Variants in EDARADD observed in about 807,000 individuals in gnomAD.
EDARADD encodes ectodysplasin-A receptor-associated adapter protein.
Under a neutral mutation model 25.6 loss-of-function variants are expected in EDARADD, and 20 were observed. The ratio of observed to expected loss-of-function variants is 0.78; its 90% CI spans 0.55 to 1.14. The LOEUF (loss-of-function observed/expected upper bound fraction) is 1.14. Ranked by LOEUF, EDARADD falls within the 50% of genes most tolerant of loss-of-function variation. The probability of loss-of-function intolerance (pLI) is 0.00; values close to 1 mark genes in which losing one functional copy is unlikely to be tolerated. For synonymous variants in EDARADD, 86 were observed against 94.4 expected (o/e 0.91, Z 0.52); for missense variants, 225 against 270.1 (o/e 0.83, Z 1.17).
intron 4 of EDARADD, among the ~76,000 whole-genome samples, chr1:236,447,238 C>A (rs1260686925): frequency 1.8e-5 from 2 of 112,612 alleles, no homozygotes; most frequent in Non-Finnish European, 3.4e-5. Flanking sequence ...TCTTTCCTTT[C>A]TTTCCTTTCT....
chr1:236,359,824 T>C (rs1443250523), intron 3 of EDARADD, among the ~76,000 whole-genome samples: 1 of 152,134 alleles, frequency 6.6e-6, no homozygotes, highest in Non-Finnish European at 1.5e-5. Flanking sequence ...CCACAACACA[T>C]GGGAATTCAA....
intron 4 of EDARADD, among the ~76,000 whole-genome samples, chr1:236,447,219 TCTTTCCTTTCTTTC>T (rs1298033301): frequency 9.8e-4 from 42 of 42,892 alleles, no homozygotes; most frequent in Non-Finnish European, 1.9e-3. Context: ...TTTCTTTCTT[TCTTTCCTTTCTTTC>T]CTTTCTTTCC....
At chr1:236,452,505 T>TC (rs1658742085) in intron 4 of EDARADD, among the ~76,000 whole-genome samples, 2 of 144,848 alleles carry the variant, frequency 1.4e-5, no homozygotes, top group South Asian at 4.3e-4. Flanking sequence ...ATCCCCCCTC[T>TC]CTCTCTCTCT....
Position 236,484,137 on chromosome 1 carries a change from C to A in EDARADD, c.*1488C>A. 1 of 1,429,592 alleles carries A rather than the reference C, an allele frequency of 7.0e-7. No homozygotes were observed. Among genetic ancestry groups the A allele is most frequent in the Non-Finnish European group, 9.9e-7 (1 of 1,012,946 alleles). The allele number at this position is 1,429,592 out of a possible 1,614,324, so 88.6% of individuals were successfully genotyped here. ...GGAGGATGATCTCAGAGTGACCAAC[C>A]CAAAGAGGACAGCCTCGGCCGTGAA... On this transcript the variant is annotated 3_prime_UTR_variant, in exon 6 of 6. Coordinates refer to ENST00000334232, the MANE Select transcript of EDARADD (RefSeq NM_145861.4). The surrounding 1 kb of genome is among the most constrained non-coding windows in gnomAD (Gnocchi z 4.1).
rs1667301348 is a variant in EDARADD at position 236,381,755 on chromosome 1, T to C, written c.-5-27461T>C. On this transcript the variant is annotated intron_variant, in intron 3 of 7. Coordinates refer to the EDARADD transcript ENST00000439430. Reference sequence around the variant, plus strand: ...ATGAAAAATCTGCTGTCATCCTTGTTTTTATGCCTCTGTAATATGTCTTTT... The same window carrying C: ...ATGAAAAATCTGCTGTCATCCTTGTCTTTATGCCTCTGTAATATGTCTTTT... Among the ~76,000 whole-genome samples, 7 of 150,786 alleles carry C rather than the reference T, an allele frequency of 4.6e-5. No homozygotes were observed. In the South Asian group the frequency reaches 1.5e-3, roughly 31 times the overall value.
At chr1:236,371,032 G>A (rs1667166994) in intron 3 of EDARADD, among the ~76,000 whole-genome samples, 1 of 152,178 alleles carries the variant, frequency 6.6e-6, no homozygotes, top group Non-Finnish European at 1.5e-5. Context: ...ATTTTGCAAA[G>A]GCAGTTTCAA....
At chr1:236,472,055 C>G (rs575821877) in intron 5 of EDARADD, among the ~76,000 whole-genome samples, 1 of 152,182 alleles carries the variant, frequency 6.6e-6, no homozygotes, top group South Asian at 2.1e-4. Context: ...CATTAATGAG[C>G]ATGCTTGATT....
chr1:236,450,217 C>T (rs1471874366), intron 4 of EDARADD, among the ~76,000 whole-genome samples: 2 of 151,982 alleles, frequency 1.3e-5, no homozygotes, highest in Admixed American at 6.6e-5. Flanking sequence ...GACGAAGGAT[C>T]GCTTAAGCCT....
rs1335527074 is a variant in EDARADD, at chr1:236,395,259, A to T, written c.61+754A>T. On this transcript the variant is annotated intron_variant, in intron 1 of 5. Coordinates refer to ENST00000334232, the MANE Select transcript of EDARADD (RefSeq NM_145861.4). This position sits in a 1 kb window ranked among gnomAD's most constrained non-coding sequence, Gnocchi z 6.9. ...CCCCCGCTAGGACCCGCCCAGGGGGACGTGGGTACCGGGCAGGACGCGCGC... is the reference window on the plus strand; with the variant it reads ...CCCCCGCTAGGACCCGCCCAGGGGGTCGTGGGTACCGGGCAGGACGCGCGC... Among the ~76,000 whole-genome samples, 1 of 152,040 alleles carries T rather than the reference A, an allele frequency of 6.6e-6. No individual in the cohort carries two copies. The highest frequency in any genetic ancestry group is 6.6e-5 in the Admixed American group (1 of 15,254).
At chr1:236,481,972 G>A (rs1403185124) in intron 5 of EDARADD, among the ~76,000 whole-genome samples, 1 of 151,308 alleles carries the variant, frequency 6.6e-6, no homozygotes, top group Non-Finnish European at 1.5e-5. Flanking sequence ...AATTAGCCGG[G>A]TGCAGTGGCG....
At chr1:236,403,368 A>T (rs1571913255) in intron 1 of EDARADD, among the ~76,000 whole-genome samples, 1 of 151,604 alleles carries the variant, frequency 6.6e-6, no homozygotes, top group South Asian at 2.1e-4. Context: ...ACTCACTGCA[A>T]CCTCCGCCTT....
At chr1:236,455,394 G>A (rs1450868145) in intron 4 of EDARADD, among the ~76,000 whole-genome samples, 1 of 152,204 alleles carries the variant, frequency 6.6e-6, no homozygotes, top group Non-Finnish European at 1.5e-5. Context: ...CAGCCCGACA[G>A]GCCCCTACCT....
At chr1:236,431,598 A>G (rs796989498) in intron 4 of EDARADD, among the ~76,000 whole-genome samples, 9 of 152,308 alleles carry the variant, frequency 5.9e-5, no homozygotes, top group African/African-American at 2.2e-4. Context: ...CTTGGACATA[A>G]AAAATACAGG....
At chr1:236,446,282 A>G (rs1424148456) in intron 4 of EDARADD, among the ~76,000 whole-genome samples, 3 of 152,104 alleles carry the variant, frequency 2.0e-5, no homozygotes, top group Non-Finnish European at 4.4e-5. Flanking sequence ...TTCAAACTTT[A>G]GACGATAACA....
chr1:236,400,030 CAT>C (rs1361745047), intron 1 of EDARADD, among the ~76,000 whole-genome samples: 2 of 152,210 alleles, frequency 1.3e-5, no homozygotes, highest in Non-Finnish European at 2.9e-5. Context: ...CTGGAGCACT[CAT>C]ATGTGCAAAG....
chr1:236,380,030 A>G (rs1004005096), intron 3 of EDARADD, among the ~76,000 whole-genome samples: 28 of 152,282 alleles, frequency 1.8e-4, no homozygotes, highest in African/African-American at 6.5e-4. Context: ...GCTGATGTGC[A>G]GGTCCTCTGA....
rs749128914 is a variant in EDARADD, at chr1:236,482,228, C to T, written c.266-39C>T. 6 of 1,613,634 alleles carry T rather than the reference C, an allele frequency of 3.7e-6. No individual in the cohort carries two copies. The East Asian group carries it at 8.9e-5, about 24-fold the overall frequency. On this transcript the variant is annotated intron_variant, in intron 5 of 5. Transcript: ENST00000334232. ...TAAGAAATGAATGCATATGTTAGGC[C>T]TCTTGTTGACCTGTGGACTAAATTG...
Position 236,484,356 on chromosome 1 carries a change from C to T in EDARADD, c.*1707C>T, listed in dbSNP as rs1659770529. The T allele has an allele frequency of 6.6e-7, 1 of 1,513,558 alleles. No individual in the cohort carries two copies. The highest frequency in any genetic ancestry group is 1.1e-5 in the South Asian group (1 of 88,946). The allele number at this position is 1,513,558 out of a possible 1,614,324, so 93.8% of individuals were successfully genotyped here. A position where few individuals can be genotyped will look rare whatever the true frequency, so the allele number is the denominator to read the frequency against. On this transcript the variant is annotated 3_prime_UTR_variant, in exon 6 of 6. Coordinates refer to ENST00000334232, the MANE Select transcript of EDARADD (RefSeq NM_145861.4). This position sits in a 1 kb window ranked among gnomAD's most constrained non-coding sequence, Gnocchi z 4.1. ...ACCTGGGCAGCTCAAGACTGGTGCCCCTTGCTGATCTGAGCGCTTGGCCAA... is the reference window on the plus strand; with the variant it reads ...ACCTGGGCAGCTCAAGACTGGTGCCTCTTGCTGATCTGAGCGCTTGGCCAA...
chr1:236,419,647 TCTGA>T (rs1229227784), intron 3 of EDARADD, among the ~76,000 whole-genome samples: 1 of 152,086 alleles, frequency 6.6e-6, no homozygotes, highest in African/African-American at 2.4e-5. Flanking sequence ...AGCTCAGCAC[TCTGA>T]CTGACAGGCA....
Sources: gnomAD v4.1 joint callset for allele counts (sites outside exome capture counted in the v4.1 genomes callset) on GRCh38, gnomAD v4.1.1 for gene constraint, Gnocchi (gnomAD v3.1) non-coding constraint, MANE v1.5 for transcripts, NCBI Gene and HGNC (gene_info 2026-07-23, HGNC 2026-07-21) for gene names.